Variants in GLG1 observed in about 807,000 individuals in gnomAD.
GLG1 encodes the protein golgi glycoprotein 1, also known as Golgi apparatus protein 1.
In GLG1, 38 loss-of-function variants were observed where a neutral mutation model predicts 160.5. The ratio of observed to expected loss-of-function variants is 0.24; its 90% CI spans 0.18 to 0.31. GLG1 has a LOEUF of 0.31. GLG1 is among the 10% of genes least tolerant of loss of function. The pLI is 1.00. For missense variants in GLG1, 1,373 were observed against 1,505.2 expected (o/e 0.91, Z 1.45); for synonymous variants, 644 against 543.4 (o/e 1.19, Z -2.57).
chr16:74,598,226 A>C (rs1034185132), intron 1 of GLG1, among the ~76,000 whole-genome samples: 4 of 152,172 alleles, frequency 2.6e-5, no homozygotes, highest in Non-Finnish European at 5.9e-5. Context: ...ATGTTTGCTG[A>C]AAGAAGAAAA....
chr16:74,583,718 T>C (rs556369772), intron 1 of GLG1, among the ~76,000 whole-genome samples: 2 of 152,210 alleles, frequency 1.3e-5, no homozygotes, highest in African/African-American at 4.8e-5. Context: ...AATTCTATCA[T>C]TCCTTCAGCT....
chr16:74,524,443 G>A (rs1221290450), intron 2 of GLG1, among the ~76,000 whole-genome samples: 1 of 151,984 alleles, frequency 6.6e-6, no homozygotes, highest in Non-Finnish European at 1.5e-5. Context: ...CCCTTCTAGG[G>A]TGGGTGCTAA....
rs4462621 is a variant in GLG1, at chr16:74,477,981, T to C, written c.1828-448A>G. Among the ~76,000 whole-genome samples, 145 of 45,690 alleles carry C rather than the reference T, an allele frequency of 3.2e-3. 1 individual carries two copies. Among genetic ancestry groups the C allele is most frequent in the African/African-American group, 5.0e-3 (40 of 7,962 alleles). 30.0% of individuals were successfully genotyped at this position (45,690 alleles called of 152,430 possible). The stretch of plus-strand genomic sequence containing the variant: ...AGAGCGAAACTCCGTCTCAAAAAAA[T>C]AAATAAATAAATAAATAAATAAATA... On this transcript the variant is annotated intron_variant, in intron 11 of 25. Transcript: ENST00000422840.
chr16:74,548,132 C>A (rs2018100442), intron 1 of GLG1, among the ~76,000 whole-genome samples: 1 of 152,190 alleles, frequency 6.6e-6, no homozygotes, highest in South Asian at 2.1e-4. Flanking sequence ...ATATCTATTT[C>A]TGGGTAAGAA....
At position 74,457,178 on chromosome 16, in the gene GLG1, T is replaced by C. The variant is rs145989784; in HGVS notation, c.3266-423A>G. On this transcript the variant is annotated intron_variant, in intron 24 of 25. Coordinates refer to ENST00000422840, the MANE Select transcript of GLG1 (RefSeq NM_001145667.2). Reference sequence around the variant, plus strand: ...GGGAGGCCGAGGTGGGTGGATCACTTGAAGTCAGGAGTTTGAGACTAGCCT... The same window carrying C: ...GGGAGGCCGAGGTGGGTGGATCACTCGAAGTCAGGAGTTTGAGACTAGCCT... Among the ~76,000 whole-genome samples, 896 of 152,288 alleles carry C rather than the reference T, an allele frequency of 5.9e-3. 5 individuals are homozygous for C. Among genetic ancestry groups the C allele is most frequent in the Non-Finnish European group, 0.011 (726 of 68,030 alleles).
chr16:74,465,702 T>C lies in GLG1; in HGVS notation c.2641A>G (p.Met881Val). 2 of 1,614,004 alleles carry C rather than the reference T, an allele frequency of 1.2e-6. No homozygotes were observed. The highest frequency in any genetic ancestry group is 8.5e-7 in the Non-Finnish European group (1 of 1,179,928). Residue 881 changes from methionine (M) to valine (V), a missense_variant, in exon 19 of 26, where the codon ATG (methionine) becomes GTG (valine). Transcript: ENST00000422840. ...TTTATCATCTGCTTGCAGACCCTCATGAGGGTGTAGTCTAGCTCTGGGTCC... is the reference window on the plus strand; with the variant it reads ...TTTATCATCTGCTTGCAGACCCTCACGAGGGTGTAGTCTAGCTCTGGGTCC... ...MMDPELDYTL[M>V]RVCKQMIKRF...
intron 18 of GLG1, among the ~76,000 whole-genome samples, chr16:74,467,542 A>G (rs1046144493): frequency 6.6e-6 from 1 of 152,116 alleles, no homozygotes; most frequent in African/African-American, 2.4e-5. Flanking sequence ...GAGGGAAGAA[A>G]ATGAGTTAGA....
At chr16:74,472,507 C>T in intron 13 of GLG1, 96 bp from the exon 14 acceptor site, 1 of 1,341,722 alleles carries the variant, frequency 7.5e-7, no homozygotes. Flanking sequence ...ATCTGATGGG[C>T]AAATAATCTA....
chr16:74,589,083 A>G (rs1277983671), intron 1 of GLG1, among the ~76,000 whole-genome samples: 1 of 151,896 alleles, frequency 6.6e-6, no homozygotes, highest in African/African-American at 2.4e-5. Context: ...CTCTACAAAA[A>G]GAACAACAAC....
intron 2 of GLG1, among the ~76,000 whole-genome samples, chr16:74,509,385 GGTT>G (rs1273311190): frequency 1.3e-5 from 2 of 151,768 alleles, no homozygotes; most frequent in Non-Finnish European, 2.9e-5. Context: ...AATATAAATA[GGTT>G]ATATGAGCTA....
At chr16:74,554,253 G>A (rs1167176545) in intron 1 of GLG1, among the ~76,000 whole-genome samples, 5 of 152,228 alleles carry the variant, frequency 3.3e-5, no homozygotes, top group African/African-American at 1.2e-4. Context: ...TGGGAGGAGA[G>A]CCAGGCGCCG....
chr16:74,558,910 C>T (rs10468356), intron 1 of GLG1, among the ~76,000 whole-genome samples: 2 of 151,898 alleles, frequency 1.3e-5, no homozygotes, highest in African/African-American at 2.4e-5. Context: ...TTCTTAGAGA[C>T]GGGGTCTCAC....
At chr16:74,538,361 A>G (rs1015345592) in intron 1 of GLG1, among the ~76,000 whole-genome samples, 7 of 152,044 alleles carry the variant, frequency 4.6e-5, no homozygotes, top group Non-Finnish European at 7.4e-5. Flanking sequence ...CACTTCATTT[A>G]TTAACCTTGT....
chr16:74,540,326 A>G (rs1215819779), intron 1 of GLG1, among the ~76,000 whole-genome samples: 1 of 149,710 alleles, frequency 6.7e-6, no homozygotes, highest in Non-Finnish European at 1.5e-5. Flanking sequence ...AATGTAAATT[A>G]CAAAAACATG....
intron 11 of GLG1, among the ~76,000 whole-genome samples, chr16:74,477,973 C>A (rs868508206): frequency 4.4e-5 from 1 of 22,686 alleles, no homozygotes; most frequent in South Asian, 1.3e-3. Flanking sequence ...AACTCCGTCT[C>A]AAAAAAATAA....
At chr16:74,464,753 GAATT>G (rs2014937908) in intron 19 of GLG1, among the ~76,000 whole-genome samples, 1 of 152,082 alleles carries the variant, frequency 6.6e-6, no homozygotes, top group Non-Finnish European at 1.5e-5. Flanking sequence ...ATTCTCTCTA[GAATT>G]TATTTGATAG....
intron 1 of GLG1, among the ~76,000 whole-genome samples, chr16:74,576,485 T>C (rs1009938808): frequency 1.3e-5 from 2 of 152,144 alleles, no homozygotes; most frequent in Non-Finnish European, 2.9e-5. Context: ...CCATACTTAT[T>C]TTAGGCTTTG....
At chr16:74,473,434 G>T in intron 13 of GLG1, among the ~76,000 whole-genome samples, 1 of 100,134 alleles carries the variant, frequency 1.0e-5, no homozygotes, top group African/African-American at 3.6e-5. Context: ...GGATGGTCTT[G>T]ACCTTTTTTT....
chr16:74,463,299 C>T (rs1206888421), intron 20 of GLG1, 57 bp downstream of exon 20: 1 of 1,567,878 alleles, frequency 6.4e-7, no homozygotes, highest in East Asian at 2.2e-5. Flanking sequence ...ACTCTACAGC[C>T]ACTGAATTCC....
Sources: gnomAD v4.1 joint callset for allele counts (sites outside exome capture counted in the v4.1 genomes callset) on GRCh38, gnomAD v4.1.1 for gene constraint, MANE v1.5 for transcripts, NCBI Gene and HGNC (gene_info 2026-07-23, HGNC 2026-07-21) for gene names.